PLPP3: variants seen among roughly 807,000 people sequenced by gnomAD.
PLPP3 encodes the protein PAP2 beta.
In PLPP3, 6 loss-of-function variants were observed where a neutral mutation model predicts 29.6. The ratio of observed to expected loss-of-function variants is 0.20; its 90% CI spans 0.11 to 0.40. PLPP3 has a LOEUF of 0.40. PLPP3 is among the 10% of genes least tolerant of loss of function. The pLI is 1.00. For missense variants in PLPP3, 308 were observed against 407.7 expected, an observed-to-expected ratio of 0.76 and a Z score of 2.11; for synonymous variants, 152 against 159.7, an observed-to-expected ratio of 0.95 and a Z score of 0.36.
chr1:56,495,969 G>A lies in PLPP3; in HGVS notation c.*582C>T, dbSNP rs1418288547. On this transcript the variant is annotated 3_prime_UTR_variant, in exon 6 of 6. Coordinates refer to ENST00000371250, the MANE Select transcript of PLPP3 (RefSeq NM_003713.5). Reference sequence around the variant, plus strand: ...AGGAACTATGGTTGTTGGCCTATGGGCAGGGGAGGTGATAAGGCCTTAGAA... The same window carrying A: ...AGGAACTATGGTTGTTGGCCTATGGACAGGGGAGGTGATAAGGCCTTAGAA... 1 of 152,836 alleles carries A rather than the reference G, an allele frequency of 6.5e-6. No individual in the cohort carries two copies. The highest frequency in any genetic ancestry group is 2.4e-5 in the African/African-American group (1 of 41,462). 9.5% of individuals were successfully genotyped at this position (152,836 alleles called of 1,614,324 possible).
chr1:56,555,830 A>C (rs1216899574), intron 1 of PLPP3, among the ~76,000 whole-genome samples: 1 of 152,178 alleles, frequency 6.6e-6, no homozygotes, highest in African/African-American at 2.4e-5. Flanking sequence ...GTTTTAGGTA[A>C]GTCTAGTGTG....
intron 1 of PLPP3, among the ~76,000 whole-genome samples, chr1:56,540,089 G>A (rs1645958177): frequency 6.6e-6 from 1 of 152,078 alleles, no homozygotes; most frequent in Non-Finnish European, 1.5e-5. Flanking sequence ...AGACAGAACT[G>A]GGTTAATGAT....
chr1:56,542,547 T>C (rs1483498525), intron 1 of PLPP3, among the ~76,000 whole-genome samples: 1 of 152,126 alleles, frequency 6.6e-6, no homozygotes, highest in Non-Finnish European at 1.5e-5. Context: ...TCCAGAGTTG[T>C]TCAATTTTCC....
intron 1 of PLPP3, among the ~76,000 whole-genome samples, chr1:56,568,620 A>T (rs1395099728): frequency 6.6e-6 from 1 of 152,228 alleles, no homozygotes; most frequent in East Asian, 1.9e-4. Context: ...AGTACCTGTC[A>T]TATCTTTCTT....
chr1:56,508,434 A>G (rs151204860), intron 5 of PLPP3, among the ~76,000 whole-genome samples: 32 of 152,302 alleles, frequency 2.1e-4, no homozygotes, highest in Non-Finnish European at 4.6e-4. Flanking sequence ...GGCTTGGCTC[A>G]GGAGGTTATC....
At chr1:56,557,030 G>GAAAAGAA (rs1241231476) in intron 1 of PLPP3, among the ~76,000 whole-genome samples, 12 of 19,462 alleles carry the variant, frequency 6.2e-4, no homozygotes, top group South Asian at 1.3e-3. Context: ...GAGAGAAAGA[G>GAAAAGAA]AGAGAGAGAG....
At chr1:56,566,279 C>G (rs1255727155) in intron 1 of PLPP3, among the ~76,000 whole-genome samples, 1 of 152,186 alleles carries the variant, frequency 6.6e-6, no homozygotes. Flanking sequence ...GATTCAGAAA[C>G]ACGTGGAGAA....
At chr1:56,509,272 G>A (rs1462510021) in intron 5 of PLPP3, among the ~76,000 whole-genome samples, 1 of 152,114 alleles carries the variant, frequency 6.6e-6, no homozygotes, top group African/African-American at 2.4e-5. Context: ...AGCAATAACT[G>A]GATCCACCCA....
chr1:56,541,874 T>C (rs1479452284), intron 1 of PLPP3, among the ~76,000 whole-genome samples: 2 of 151,134 alleles, frequency 1.3e-5, no homozygotes, highest in African/African-American at 4.9e-5. Flanking sequence ...ATGTGCTAGG[T>C]AACTAATTTC....
intron 5 of PLPP3, among the ~76,000 whole-genome samples, chr1:56,508,101 G>A (rs934161962): frequency 1.3e-5 from 2 of 152,224 alleles, no homozygotes; most frequent in African/African-American, 4.8e-5. Flanking sequence ...CACTAAATTT[G>A]TGGTAATTTG....
chr1:56,532,303 A>G (rs1263451210), intron 2 of PLPP3, among the ~76,000 whole-genome samples: 1 of 152,134 alleles, frequency 6.6e-6, no homozygotes, highest in Non-Finnish European at 1.5e-5. Flanking sequence ...GGTCTTGGTA[A>G]TTGCACAGAT....
At chr1:56,527,759 G>A (rs765118165) in intron 2 of PLPP3, among the ~76,000 whole-genome samples, 30 of 152,232 alleles carry the variant, frequency 2.0e-4, no homozygotes, top group Non-Finnish European at 4.1e-4. Context: ...TTGGCTTCTT[G>A]TAATCCTAAC....
Position 56,496,149 on chromosome 1 carries a change from A to G in PLPP3, c.*402T>C, listed in dbSNP as rs1645629723. On this transcript the variant is annotated 3_prime_UTR_variant, in exon 6 of 6. Transcript: ENST00000371250. ...TCAAGAGGGCAGCTCCGCAATGGCTATTTTCTTGATTCAGTGCTATTTCTG... is the reference window on the plus strand; with the variant it reads ...TCAAGAGGGCAGCTCCGCAATGGCTGTTTTCTTGATTCAGTGCTATTTCTG... The G allele has an allele frequency of 5.8e-6, 1 of 171,302 alleles. No individual in the cohort carries two copies. Among genetic ancestry groups the G allele is most frequent in the African/African-American group, 2.4e-5 (1 of 41,648 alleles). 10.6% of individuals were successfully genotyped at this position (171,302 alleles called of 1,614,324 possible). A position where few individuals can be genotyped will look rare whatever the true frequency, so the allele number is the denominator to read the frequency against.
chr1:56,543,035 T>C (rs1449852908), intron 1 of PLPP3, among the ~76,000 whole-genome samples: 2 of 149,920 alleles, frequency 1.3e-5, no homozygotes, highest in Admixed American at 1.3e-4. Flanking sequence ...AAAAAAGAAC[T>C]CTGTGATAAA....
chr1:56,511,983 C>T lies in PLPP3; in HGVS notation c.803G>A (p.Cys268Tyr), dbSNP rs372335333. 19 of 1,613,108 alleles carry T rather than the reference C, an allele frequency of 1.2e-5. No individual in the cohort carries two copies. Among genetic ancestry groups the T allele is most frequent in the Non-Finnish European group, 1.4e-5 (16 of 1,179,710 alleles). Reference sequence around the variant, plus strand: ...GGACAAGATGCTACTTACTATGCAGCAGGCCACCAGGGCTCCTTGAGCAAA... The same window carrying T: ...GGACAAGATGCTACTTACTATGCAGTAGGCCACCAGGGCTCCTTGAGCAAA... ...AGFAQGALVA[C>Y]CIVFFVSDLF... The change falls in exon 5 of 6, where the codon TGC (cysteine) becomes TAC (tyrosine). Residue 268 changes from cysteine to tyrosine, a missense_variant. Coordinates refer to ENST00000371250, the MANE Select transcript of PLPP3 (RefSeq NM_003713.5).
In PLPP3 at chr1:56,524,635, C is replaced by A. The variant is rs1054933334; in HGVS notation, c.298-81G>T. 5.4e-5 allele frequency: 78 copies of A among 1,438,030 alleles called. No individual in the cohort carries two copies. In the African/African-American group the frequency reaches 6.9e-4, roughly 13 times the overall value. The allele number at this position is 1,438,030 out of a possible 1,614,324, so 89.1% of individuals were successfully genotyped here. A position where few individuals can be genotyped will look rare whatever the true frequency, so the allele number is the denominator to read the frequency against. On this transcript the variant is annotated intron_variant, in intron 2 of 5. Coordinates refer to ENST00000371250, the MANE Select transcript of PLPP3 (RefSeq NM_003713.5). This position sits in a 1 kb window ranked among gnomAD's most constrained non-coding sequence, Gnocchi z 4.3. ...ATGCCGTAACGGATATTCAACAACA[C>A]AGGAGAATATTCAGTATTTGCAAAG...
At chr1:56,517,857 G>A (rs943508514) in intron 4 of PLPP3, among the ~76,000 whole-genome samples, 1 of 152,180 alleles carries the variant, frequency 6.6e-6, no homozygotes. Flanking sequence ...AAACACAAGC[G>A]TACAGCTTTT....
At chr1:56,520,822 A>T (rs998004980) in intron 4 of PLPP3, among the ~76,000 whole-genome samples, 1 of 142,384 alleles carries the variant, frequency 7.0e-6, no homozygotes, top group Non-Finnish European at 1.5e-5. Context: ...AAGGCAGGAG[A>T]ATTGCTTGAA....
intron 1 of PLPP3, among the ~76,000 whole-genome samples, chr1:56,573,131 CAAAA>C (rs1646211820): frequency 6.6e-6 from 1 of 152,162 alleles, no homozygotes; most frequent in South Asian, 2.1e-4. Context: ...TTCAATATCT[CAAAA>C]GAAAATATTT....
Sources: gnomAD v4.1 joint callset for allele counts (sites outside exome capture counted in the v4.1 genomes callset) on GRCh38, gnomAD v4.1.1 for gene constraint, Gnocchi (gnomAD v3.1) non-coding constraint, MANE v1.5 for transcripts, NCBI Gene and HGNC (gene_info 2026-07-23, HGNC 2026-07-21) for gene names.